The following ATP1B1 variants were observed in gnomAD, a reference collection of about 807,000 sequenced individuals.
The protein encoded by ATP1B1 is ATPase Na+/K+ transporting subunit beta 1, also known as sodium/potassium-transporting ATPase subunit beta-1.
A neutral mutation model predicts 39.6 loss-of-function variants in ATP1B1; 3 were observed. The ratio of observed to expected loss-of-function variants is 0.08; its 90% confidence interval spans 0.03 to 0.20. ATP1B1 has a LOEUF of 0.20. Among genes scored for constraint, ATP1B1 ranks in the 10% least tolerant of loss-of-function variants. The pLI, the probability that ATP1B1 is intolerant of heterozygous loss-of-function variation, is 1.00. For synonymous variants in ATP1B1, 139 were observed against 135.0 expected (o/e 1.03, Z -0.20); for missense variants, 216 against 371.1 (o/e 0.58, Z 3.43).
At chr1:169,130,624 T>C (rs1301648634) in intron 5 of ATP1B1, among the ~76,000 whole-genome samples, 2 of 151,832 alleles carry the variant, frequency 1.3e-5, no homozygotes, top group Non-Finnish European at 2.9e-5. Context: ...CTGTCTCTAC[T>C]ACACATACAA....
In ATP1B1 at chr1:169,131,696, T is replaced by TAATA; in HGVS notation, c.*142_*145dup. 1.1e-6 allele frequency: 1 copy of TAATA among 938,002 alleles called. No homozygotes were observed. The highest frequency in any genetic ancestry group is 1.5e-6 in the Non-Finnish European group (1 of 647,736). 58.1% of individuals were successfully genotyped at this position (938,002 alleles called of 1,614,324 possible). A position where few individuals can be genotyped will look rare whatever the true frequency, so the allele number is the denominator to read the frequency against. ...ATGCTTTACACTAGCTTTCTGCATT[T>TAATA]AATAGGTTAGAATGTAAATTAAAGT... On this transcript the variant is annotated 3_prime_UTR_variant, in exon 6 of 6. Transcript: ENST00000367815. This position sits in a 1 kb window ranked among gnomAD's most constrained non-coding sequence, Gnocchi z 4.4.
intron 1 of ATP1B1, among the ~76,000 whole-genome samples, chr1:169,109,734 G>A (rs1330723528): frequency 6.6e-6 from 1 of 151,680 alleles, no homozygotes; most frequent in African/African-American, 2.4e-5. Flanking sequence ...GTTGTTCGAA[G>A]GGGCACATGT....
At chr1:169,122,237 G>C (rs1266756908) in intron 2 of ATP1B1, among the ~76,000 whole-genome samples, 1 of 152,072 alleles carries the variant, frequency 6.6e-6, no homozygotes, top group African/African-American at 2.4e-5. Context: ...CTTGACTCCA[G>C]GATTCTCCCA....
chr1:169,115,350 TC>T (rs1657820127), intron 2 of ATP1B1, among the ~76,000 whole-genome samples: 2 of 143,744 alleles, frequency 1.4e-5, no homozygotes, highest in African/African-American at 2.7e-5. Flanking sequence ...TTTCTTTTTT[TC>T]TTTTTTTTTT....
At position 169,106,740 on chromosome 1, in the gene ATP1B1, C is replaced by T; in HGVS notation, c.-90C>T. 6 of 1,060,916 alleles carry T rather than the reference C, an allele frequency of 5.7e-6. No homozygotes were observed. Among genetic ancestry groups the T allele is most frequent in the South Asian group, 1.7e-5 (1 of 58,830 alleles). The allele number at this position is 1,060,916 out of a possible 1,614,324, so 65.7% of individuals were successfully genotyped here. A position where few individuals can be genotyped will look rare whatever the true frequency, so the allele number is the denominator to read the frequency against. On this transcript the variant is annotated 5_prime_UTR_variant, in exon 1 of 6. Transcript: ENST00000367815. The stretch of plus-strand genomic sequence containing the variant: ...CGCGTCCTGCCTGCAGAGAGCCAGG[C>T]CGGAGAAGCCGAGCGGCGCAGAGGA...
At chr1:169,111,593 TGTA>T in intron 2 of ATP1B1, 95 bp downstream of exon 2, 1 of 1,507,586 alleles carries the variant, frequency 6.6e-7, no homozygotes, top group South Asian at 1.3e-5. Context: ...TACTCTATAA[TGTA>T]GTCTTAAAGC....
At chr1:169,121,039 T>G (rs902914583) in intron 2 of ATP1B1, among the ~76,000 whole-genome samples, 3 of 151,372 alleles carry the variant, frequency 2.0e-5, no homozygotes, top group Non-Finnish European at 2.9e-5. Context: ...CCTCTGCCTC[T>G]TGGGCTCAAG....
At chr1:169,120,589 T>G (rs1403560199) in intron 2 of ATP1B1, among the ~76,000 whole-genome samples, 2 of 152,238 alleles carry the variant, frequency 1.3e-5, no homozygotes, top group Non-Finnish European at 2.9e-5. Flanking sequence ...CGTGCTTAGC[T>G]GTCTTATGTT....
intron 2 of ATP1B1, among the ~76,000 whole-genome samples, chr1:169,116,813 T>A (rs1243224820): frequency 6.6e-6 from 1 of 151,290 alleles, no homozygotes; most frequent in African/African-American, 2.4e-5. Context: ...ATCGTGCCAC[T>A]GCACTCCAGC....
At chr1:169,113,439 T>G (rs566404812) in intron 2 of ATP1B1, among the ~76,000 whole-genome samples, 78 of 152,076 alleles carry the variant, frequency 5.1e-4, no homozygotes, top group Non-Finnish European at 1.0e-3. Context: ...TCAGGAAATT[T>G]CCTAGATTAA....
chr1:169,130,021 T>A lies in ATP1B1; in HGVS notation c.579T>A (p.Asn193Lys). The change falls in exon 5 of 6, where the codon AAT (asparagine) becomes AAA (lysine). Residue 193 changes from asparagine (N) to lysine (K), a missense_variant. Coordinates refer to ENST00000367815, the MANE Select transcript of ATP1B1 (RefSeq NM_001677.4). ...VLGFKPKPPKNESLETYPVMK... is the reference protein window; with the variant it reads ...VLGFKPKPPKKESLETYPVMK... ...GGTTTTATTTTTAGCCTCCCAAGAA[T>A]GAGTCCTTGGAGACTTACCCAGTGA... 6.2e-7 allele frequency: 1 copy of A among 1,613,772 alleles called. No individual in the cohort carries two copies. The highest frequency in any genetic ancestry group is 8.5e-7 in the Non-Finnish European group (1 of 1,179,766).
intron 5 of ATP1B1, among the ~76,000 whole-genome samples, chr1:169,130,336 T>C (rs546865229): frequency 6.6e-6 from 1 of 152,276 alleles, no homozygotes; most frequent in South Asian, 2.1e-4. Context: ...CTCAAATATC[T>C]GAATTTAATA....
Position 169,106,783 on chromosome 1 carries a change from C to T in ATP1B1, c.-47C>T. On this transcript the variant is annotated 5_prime_UTR_variant, in exon 1 of 6. Coordinates refer to ENST00000367815, the MANE Select transcript of ATP1B1 (RefSeq NM_001677.4). ...GCAGAGGACGCCAGGGCGCGCGCCG[C>T]AGCCACCCACCCTCCGGACCGCGGC... 1 of 1,506,028 alleles carries T rather than the reference C, an allele frequency of 6.6e-7. No homozygotes were observed. The highest frequency in any genetic ancestry group is 9.0e-7 in the Non-Finnish European group (1 of 1,115,974). The allele number at this position is 1,506,028 out of a possible 1,614,324, so 93.3% of individuals were successfully genotyped here.
chr1:169,132,019 ATTTTTTTT>A lies in ATP1B1; in HGVS notation c.*479_*486del, dbSNP rs34447553. On this transcript the variant is annotated 3_prime_UTR_variant, in exon 6 of 6. Transcript: ENST00000367815. Reference sequence around the variant, plus strand: ...CAACGGGAATAAAACTGGCATGGTAATTTTTTTTTTTTTTTTTTTTTTGTTTTTTGGCT... The same window carrying A: ...CAACGGGAATAAAACTGGCATGGTAATTTTTTTTTTTTTTGTTTTTTGGCT... 5 of 190,950 alleles carry A rather than the reference ATTTTTTTT, an allele frequency of 2.6e-5. No individual in the cohort carries two copies. Among genetic ancestry groups the A allele is most frequent in the East Asian group, 2.3e-4 (1 of 4,428 alleles). The allele number at this position is 190,950 out of a possible 1,614,324, so 11.8% of individuals were successfully genotyped here.
chr1:169,116,219 C>A (rs868849531), intron 2 of ATP1B1, among the ~76,000 whole-genome samples: 1 of 152,202 alleles, frequency 6.6e-6, no homozygotes, highest in East Asian at 1.9e-4. Context: ...CATTGCCCTT[C>A]CCCCACCTCA....
intron 1 of ATP1B1, 93 bp from the exon 2 acceptor site, chr1:169,111,277 C>G (rs1425536829): frequency 1.3e-6 from 2 of 1,527,834 alleles, no homozygotes; most frequent in African/African-American, 2.7e-5. Context: ...ACCGGGGGAA[C>G]CAGGAAGGAA....
chr1:169,116,492 A>G (rs941789653), intron 2 of ATP1B1, among the ~76,000 whole-genome samples: 3 of 152,188 alleles, frequency 2.0e-5, no homozygotes, highest in Admixed American at 1.3e-4. Flanking sequence ...AGACCAGCTG[A>G]CCACACTGGC....
chr1:169,127,192 G>A (rs1200062820), intron 3 of ATP1B1, 32 bp from the exon 4 acceptor site: 17 of 1,547,402 alleles, frequency 1.1e-5, no homozygotes, highest in Non-Finnish European at 1.3e-5. Context: ...GGAATTGCTG[G>A]TACAATATAA....
chr1:169,128,778 C>T (rs894521714), intron 4 of ATP1B1, among the ~76,000 whole-genome samples: 8 of 152,242 alleles, frequency 5.3e-5, no homozygotes, highest in Admixed American at 2.6e-4. Context: ...CACTGAATGA[C>T]ATTTGGACCC....
Sources: gnomAD v4.1 joint callset for allele counts (sites outside exome capture counted in the v4.1 genomes callset) on GRCh38, gnomAD v4.1.1 for gene constraint, Gnocchi (gnomAD v3.1) non-coding constraint, MANE v1.5 for transcripts, NCBI Gene and HGNC (gene_info 2026-07-23, HGNC 2026-07-21) for gene names.